Variants in CLDN14 observed in about 807,000 individuals in gnomAD.
CLDN14 encodes the protein claudin-14.
A neutral mutation model predicts 2.1 loss-of-function variants in CLDN14; 2 were observed. The observed-to-expected ratio is 0.96, with a 90% CI of 0.39 to 3.01. The LOEUF (loss-of-function observed/expected upper bound fraction) is 3.01, where lower values mean the gene tolerates loss of function less well. CLDN14 is among the 30% of genes most tolerant of loss of function. The probability of loss-of-function intolerance (pLI) is 0.09; values close to 1 mark genes in which losing one functional copy is unlikely to be tolerated. For missense variants in CLDN14, 298 were observed against 328.0 expected (o/e 0.91, Z 0.71); for synonymous variants, 136 against 154.4 (o/e 0.88, Z 0.88).
At chr21:36,493,461 G>T (rs2086988217) in intron 2 of CLDN14, among the ~76,000 whole-genome samples, 1 of 152,136 alleles carries the variant, frequency 6.6e-6, no homozygotes, top group Admixed American at 6.5e-5. Context: ...AATCTTCAAG[G>T]TTCCTTTAGC....
intron 1 of CLDN14, among the ~76,000 whole-genome samples, chr21:36,478,796 T>A (rs921910310): frequency 1.3e-5 from 2 of 152,198 alleles, no homozygotes; most frequent in African/African-American, 4.8e-5. Flanking sequence ...CTCAGGACAC[T>A]AATCCTGGTT....
At chr21:36,505,312 T>C (rs2087122532) in intron 2 of CLDN14, among the ~76,000 whole-genome samples, 1 of 152,190 alleles carries the variant, frequency 6.6e-6, no homozygotes, top group Non-Finnish European at 1.5e-5. Context: ...CCATAATAGA[T>C]TGGAATTTTT....
At chr21:36,474,413 G>A (rs1211449633) in intron 1 of CLDN14, among the ~76,000 whole-genome samples, 1 of 152,180 alleles carries the variant, frequency 6.6e-6, no homozygotes, top group East Asian at 1.9e-4. Context: ...ACCTCATGAT[G>A]TAATGCATTA....
chr21:36,575,179 G>A (rs536962528), intron 1 of CLDN14, among the ~76,000 whole-genome samples: 32 of 152,236 alleles, frequency 2.1e-4, no homozygotes, highest in Admixed American at 1.8e-3. Flanking sequence ...CTCATCTGCC[G>A]TCATGCAGTG....
At chr21:36,512,193 C>T (rs995894685) in intron 1 of CLDN14, among the ~76,000 whole-genome samples, 3 of 152,106 alleles carry the variant, frequency 2.0e-5, no homozygotes, top group Admixed American at 1.3e-4. Flanking sequence ...TAGAAGACAT[C>T]GCCAAAGGAA....
chr21:36,461,805 G>A (rs577282684), intron 1 of CLDN14, 29 bp from the exon 2 acceptor site: 1 of 1,422,570 alleles, frequency 7.0e-7, no homozygotes, highest in African/African-American at 1.4e-5. Context: ...GCGGGAGCAG[G>A]GAGAGAAAGG....
intron 1 of CLDN14, among the ~76,000 whole-genome samples, chr21:36,470,057 AAAC>A (rs1176537574): frequency 6.6e-6 from 1 of 152,174 alleles, no homozygotes; most frequent in Non-Finnish European, 1.5e-5. Flanking sequence ...AACAACAAAA[AAAC>A]AATACCCCAA....
intron 2 of CLDN14, among the ~76,000 whole-genome samples, chr21:36,492,842 C>A (rs1239053119): frequency 6.6e-6 from 1 of 152,158 alleles, no homozygotes; most frequent in Non-Finnish European, 1.5e-5. Context: ...TCCCCTAGAG[C>A]CTTCAGAGGG....
At position 36,571,776 on chromosome 21, in the gene CLDN14, T is replaced by C. The variant is rs1207528252; in HGVS notation, c.-220+4635A>G. On this transcript the variant is annotated intron_variant, in intron 1 of 2. Coordinates refer to the CLDN14 transcript ENST00000342108. ...AAATTCCATTCTCTCGGCTGGAAATTCCAGGATAGTGCTGGTACCGGTAAG... is the reference window on the plus strand; with the variant it reads ...AAATTCCATTCTCTCGGCTGGAAATCCCAGGATAGTGCTGGTACCGGTAAG... Among the ~76,000 whole-genome samples the C allele has an allele frequency of 2.0e-5, 3 of 152,190 alleles. No individual in the cohort carries two copies. The East Asian group carries it at 5.8e-4, about 29-fold the overall frequency.
intron 1 of CLDN14, among the ~76,000 whole-genome samples, chr21:36,550,190 G>A (rs528862235): frequency 1.3e-4 from 20 of 152,274 alleles, no homozygotes; most frequent in Middle Eastern, 3.4e-3. Context: ...CACAACCTAC[G>A]TTTAAATTTA....
intron 2 of CLDN14, among the ~76,000 whole-genome samples, chr21:36,490,385 ATTTT>A (rs71198817): frequency 9.8e-6 from 1 of 102,048 alleles, no homozygotes; most frequent in Admixed American, 1.1e-4. Flanking sequence ...TTTTTTTTTA[ATTTT>A]TTTTTTTTTT....
intron 1 of CLDN14, among the ~76,000 whole-genome samples, chr21:36,520,550 A>G (rs1427307476): frequency 6.6e-6 from 1 of 152,122 alleles, no homozygotes; most frequent in Non-Finnish European, 1.5e-5. Context: ...ACCATGGAAG[A>G]TGTGCCTTTC....
At chr21:36,464,156 A>G (rs1458651119) in intron 1 of CLDN14, among the ~76,000 whole-genome samples, 1 of 152,116 alleles carries the variant, frequency 6.6e-6, no homozygotes, top group East Asian at 1.9e-4. Flanking sequence ...AAAAGTGTGC[A>G]GCACCTGCCT....
intron 1 of CLDN14, among the ~76,000 whole-genome samples, chr21:36,476,939 A>T (rs1027807578): frequency 6.6e-6 from 1 of 152,236 alleles, no homozygotes; most frequent in African/African-American, 2.4e-5. Context: ...AAGGCCTTGC[A>T]GCTAAAGTAG....
intron 2 of CLDN14, among the ~76,000 whole-genome samples, chr21:36,508,629 G>GGCAA (rs1487138608): frequency 6.6e-6 from 1 of 152,162 alleles, no homozygotes; most frequent in African/African-American, 2.4e-5. Flanking sequence ...GTGGTCAGAG[G>GGCAA]GCAAGCAAGC....
At position 36,574,953 on chromosome 21, in the gene CLDN14, T is replaced by C. The variant is rs2087731739; in HGVS notation, c.-220+1458A>G. Among the ~76,000 whole-genome samples the C allele has an allele frequency of 1.3e-5, 2 of 152,232 alleles. 1 individual carries two copies. The highest frequency in any genetic ancestry group is 4.1e-4 in the South Asian group (2 of 4,828). On this transcript the variant is annotated intron_variant, in intron 1 of 2. Transcript: ENST00000342108. ...CCCTGTCCCCTGCATCTTTAGATAC[T>C]GGCAGAGATGATTTTAAGAAACAAA...
intron 1 of CLDN14, among the ~76,000 whole-genome samples, chr21:36,512,912 A>T (rs2087196969): frequency 6.6e-6 from 1 of 152,228 alleles, no homozygotes; most frequent in African/African-American, 2.4e-5. Flanking sequence ...TTTCTTATGT[A>T]AAAAAGGAAA....
At chr21:36,569,910 G>A (rs1568884574) in intron 1 of CLDN14, among the ~76,000 whole-genome samples, 3 of 152,208 alleles carry the variant, frequency 2.0e-5, no homozygotes, top group African/African-American at 7.2e-5. Context: ...TCTGAGACAG[G>A]TCTCAATCCA....
intron 1 of CLDN14, among the ~76,000 whole-genome samples, chr21:36,469,867 T>C (rs74276156): frequency 0.038 from 5,804 of 152,294 alleles, 196 homozygotes; most frequent in African/African-American, 0.096. Context: ...GAGTTTCATT[T>C]ACTTAAATAC....
Sources: gnomAD v4.1 joint callset for allele counts (sites outside exome capture counted in the v4.1 genomes callset) on GRCh38, gnomAD v4.1.1 for gene constraint, MANE v1.5 for transcripts, NCBI Gene and HGNC (gene_info 2026-07-23, HGNC 2026-07-21) for gene names.